Variants in CEP57 observed in about 807,000 individuals in gnomAD.
CEP57 encodes centrosomal protein 57, also known as centrosomal protein of 57 kDa.
Under a neutral mutation model 68.0 loss-of-function variants are expected in CEP57, and 40 were observed. The observed-to-expected ratio is 0.59, with a 90% CI of 0.46 to 0.77. The LOEUF (loss-of-function observed/expected upper bound fraction) is 0.77. Among genes scored for constraint, CEP57 ranks in the 30% least tolerant of loss-of-function variants. The pLI is 0.00. For synonymous variants in CEP57, 219 were observed against 198.7 expected, an observed-to-expected ratio of 1.10 and a Z score of -0.86; for missense variants, 606 against 580.7, an observed-to-expected ratio of 1.04 and a Z score of -0.45.
At chr11:95,819,173 CATA>C in intron 6 of CEP57, among the ~76,000 whole-genome samples, 1 of 152,296 alleles carries the variant, frequency 6.6e-6, no homozygotes, top group East Asian at 1.9e-4. Flanking sequence ...AGACTACACA[CATA>C]AGAAGGTATG....
Position 95,790,518 on chromosome 11 carries a change from C to G in CEP57, c.-181C>G. On this transcript the variant is annotated 5_prime_UTR_variant, in exon 1 of 11. Transcript: ENST00000325542. ...TTGCCCTTTCTGTGTAAGCTGTGAG[C>G]GTAGGCGGCCCTGAGGGGGTGTGTT... The G allele has an allele frequency of 1.5e-6, 1 of 648,270 alleles. No individual in the cohort carries two copies. Among genetic ancestry groups the G allele is most frequent in the Non-Finnish European group, 2.7e-6 (1 of 371,582 alleles). 40.2% of individuals were successfully genotyped at this position (648,270 alleles called of 1,614,324 possible).
At chr11:95,794,847 A>G (rs1047578771) in intron 1 of CEP57, among the ~76,000 whole-genome samples, 3 of 152,050 alleles carry the variant, frequency 2.0e-5, no homozygotes. Context: ...CTTGAAATTA[A>G]TTTGTATGCT....
intron 1 of CEP57, among the ~76,000 whole-genome samples, chr11:95,793,819 G>A (rs1439629883): frequency 1.3e-5 from 2 of 152,108 alleles, no homozygotes; most frequent in Non-Finnish European, 1.5e-5. Context: ...AATGGGTTTT[G>A]CTGTTCATTT....
At chr11:95,821,766 T>TA (rs751693871) in intron 6 of CEP57, 105 bp from the exon 7 acceptor site, 42 of 747,218 alleles carry the variant, frequency 5.6e-5, no homozygotes, top group Non-Finnish European at 9.8e-5. Context: ...GTTTTTCAGT[T>TA]AGATACTACC....
intron 4 of CEP57, among the ~76,000 whole-genome samples, chr11:95,816,466 T>G (rs149628230): frequency 5.3e-5 from 8 of 152,314 alleles, no homozygotes; most frequent in South Asian, 2.1e-4. Context: ...CTGTGATTTT[T>G]GGGCTGGAGA....
At chr11:95,795,493 G>C in intron 1 of CEP57, 1 of 390,508 alleles carries the variant, frequency 2.6e-6, no homozygotes, top group South Asian at 4.0e-5. Context: ...CTTAATAGCT[G>C]TTATTCTTTT....
chr11:95,823,807 C>T (rs1206334020), intron 8 of CEP57, among the ~76,000 whole-genome samples: 1 of 152,124 alleles, frequency 6.6e-6, no homozygotes, highest in African/African-American at 2.4e-5. Context: ...TTCATCTCTC[C>T]AGTCAATTGT....
At chr11:95,808,014 A>T (rs1312433467) in intron 2 of CEP57, among the ~76,000 whole-genome samples, 1 of 152,250 alleles carries the variant, frequency 6.6e-6, no homozygotes, top group Non-Finnish European at 1.5e-5. Flanking sequence ...GACTAACAGC[A>T]GATCTCTCGG....
rs202115720 is a variant in CEP57 at position 95,827,963 on chromosome 11, G to A, written c.1063G>A (p.Gly355Ser). The change falls in exon 9 of 11, where the codon GGT (glycine) becomes AGT (serine). Residue 355 changes from glycine (G) to serine (S), a missense_variant. Physicochemically the swap from Gly to Ser is moderately conservative, Grantham distance 56 (BLOSUM62 0). Coordinates refer to ENST00000325542, the MANE Select transcript of CEP57 (RefSeq NM_014679.5). ...KLSVTPPSSN[G>S]INEELSEVLQ... ...GTCAGTAACACCTCCCTCCTCCAAC[G>A]GTATTAATGAGGAGTTGTCAGAAGT... is the stretch of plus-strand genomic sequence containing the variant. 15 of 1,613,894 alleles carry A rather than the reference G, an allele frequency of 9.3e-6. No homozygotes were observed. The East Asian group carries it at 1.6e-4, about 17-fold the overall frequency.
At chr11:95,810,302 G>A (rs1220106988) in intron 2 of CEP57, among the ~76,000 whole-genome samples, 1 of 152,188 alleles carries the variant, frequency 6.6e-6, no homozygotes, top group Admixed American at 6.6e-5. Flanking sequence ...AGACAGGGAT[G>A]CCGTCTCTCA....
chr11:95,818,949 CT>C (rs1555051554), intron 6 of CEP57, 45 bp downstream of exon 6: 3 of 1,410,452 alleles, frequency 2.1e-6, no homozygotes, highest in Non-Finnish European at 3.0e-6. Context: ...TTTCTTACCG[CT>C]TTTTGTGTAC....
chr11:95,794,900 A>T (rs1176173020), intron 1 of CEP57, among the ~76,000 whole-genome samples: 1 of 152,134 alleles, frequency 6.6e-6, no homozygotes, highest in African/African-American at 2.4e-5. Context: ...TAAAATACAC[A>T]ATTGTCCCCA....
intron 1 of CEP57, among the ~76,000 whole-genome samples, chr11:95,792,151 G>A (rs1404036629): frequency 2.0e-5 from 3 of 152,164 alleles, no homozygotes; most frequent in Non-Finnish European, 4.4e-5. Flanking sequence ...TTAAGGAGAA[G>A]TAAGGAAAGC....
chr11:95,808,512 A>G (rs868365228), intron 2 of CEP57, among the ~76,000 whole-genome samples: 66 of 152,194 alleles, frequency 4.3e-4, no homozygotes, highest in African/African-American at 1.6e-3. Flanking sequence ...TCAAAATAAA[A>G]GGATGGAGGA....
chr11:95,790,733 C>T lies in CEP57; in HGVS notation c.35C>T (p.Ser12Phe), dbSNP rs1400279865. The T allele has an allele frequency of 6.2e-7, 1 of 1,614,080 alleles. No individual in the cohort carries two copies. Among genetic ancestry groups the T allele is most frequent in the Admixed American group, 1.7e-5 (1 of 60,024 alleles). The change falls in exon 1 of 11, where the codon TCT becomes TTT. Residue 12 changes from serine to phenylalanine, a missense_variant. Transcript: ENST00000325542. ...AAASVSAASG[S>F]HLSNSFAEPS... ...GCGTCTGTCTCTGCGGCTTCTGGTTCTCACTTGTCGGTAAGAAGCAGTTGG... is the reference window on the plus strand; with the variant it reads ...GCGTCTGTCTCTGCGGCTTCTGGTTTTCACTTGTCGGTAAGAAGCAGTTGG...
rs115858480 is a variant in CEP57, at chr11:95,819,210, C to T, written c.699+306C>T. Among the ~76,000 whole-genome samples, 469 of 152,242 alleles carry T rather than the reference C, an allele frequency of 3.1e-3. 4 individuals carry two copies. Among genetic ancestry groups the T allele is most frequent in the African/African-American group, 0.011 (450 of 41,548 alleles). On this transcript the variant is annotated intron_variant, in intron 6 of 10. Transcript: ENST00000325542. ...TGTAATCATGTAAAACTTCTTACGG[C>T]CATTATCAGTAATATTTAAAAGCTA... is the stretch of plus-strand genomic sequence containing the variant.
chr11:95,815,411 C>T (rs929590390), intron 4 of CEP57, among the ~76,000 whole-genome samples: 13 of 152,054 alleles, frequency 8.5e-5, no homozygotes, highest in African/African-American at 1.9e-4. Context: ...TCTCTTTGAA[C>T]GCTATAAACA....
In CEP57 at chr11:95,812,972, A is replaced by G. The variant is rs202201480; in HGVS notation, c.243A>G (p.Arg81=). The change falls in exon 3 of 11, where the codon CGA becomes CGG. Residue 81 remains arginine (R), a synonymous_variant. Transcript: ENST00000325542. ...SALKNLQDKI[R]RLELERIQAE... is the part of the protein sequence containing the mutation. ...TTAAGAATCTTCAAGATAAGATTCG[A>G]CGCTTGGAACTTGAGAGGATTCAGG... 1.2e-6 allele frequency: 2 copies of G among 1,614,102 alleles called. No homozygotes were observed. Among genetic ancestry groups the G allele is most frequent in the African/African-American group, 2.7e-5 (2 of 75,046 alleles).
chr11:95,823,878 C>G (rs1356120172), intron 8 of CEP57, among the ~76,000 whole-genome samples: 2 of 151,974 alleles, frequency 1.3e-5, no homozygotes, highest in African/African-American at 4.8e-5. Context: ...TAGCACAATA[C>G]AGTAAATAAT....
Sources: gnomAD v4.1 joint callset for allele counts (sites outside exome capture counted in the v4.1 genomes callset) on GRCh38, gnomAD v4.1.1 for gene constraint, MANE v1.5 for transcripts, NCBI Gene and HGNC (gene_info 2026-07-23, HGNC 2026-07-21) for gene names.